LDB2: variants seen among roughly 807,000 people sequenced by gnomAD.
LDB2 encodes the protein LIM domain binding 2, also known as LIM domain-binding protein 2.
In LDB2, 12 loss-of-function variants were observed where a neutral mutation model predicts 44.3. The observed-to-expected ratio is 0.27, with a 90% CI of 0.17 to 0.44. The LOEUF is 0.44. Ranked by LOEUF, LDB2 falls within the 20% of genes least tolerant of loss-of-function variation. The pLI, the probability that LDB2 is intolerant of heterozygous loss-of-function variation, is 1.00. For synonymous variants in LDB2, 164 were observed against 174.8 expected (o/e 0.94, Z 0.49); for missense variants, 344 against 473.5 (o/e 0.73, Z 2.54).
At chr4:16,520,726 G>T (rs1297043878) in intron 5 of LDB2, among the ~76,000 whole-genome samples, 1 of 152,144 alleles carries the variant, frequency 6.6e-6, no homozygotes, top group Non-Finnish European at 1.5e-5. Context: ...CACTTTTGAG[G>T]CTGTTGGGAA....
intron 2 of LDB2, among the ~76,000 whole-genome samples, chr4:16,670,426 C>T (rs943803205): frequency 1.3e-5 from 2 of 152,202 alleles, no homozygotes; most frequent in Admixed American, 1.3e-4. Context: ...GTCCCCACCA[C>T]TGGGGTCATT....
At chr4:16,656,320 G>C (rs1739851772) in intron 2 of LDB2, among the ~76,000 whole-genome samples, 1 of 152,184 alleles carries the variant, frequency 6.6e-6, no homozygotes, top group Admixed American at 6.5e-5. Flanking sequence ...GAGTACCACA[G>C]AGTAGAAAAG....
intron 5 of LDB2, among the ~76,000 whole-genome samples, chr4:16,568,441 G>C (rs1009720483): frequency 4.6e-5 from 7 of 152,192 alleles, no homozygotes; most frequent in Admixed American, 4.6e-4. Context: ...GTTTTTGCAA[G>C]AGAACCTTAT....
rs150918141 is a variant in LDB2 at position 16,672,816 on chromosome 4, C to G, written c.236-76941G>C. Among the ~76,000 whole-genome samples the G allele has an allele frequency of 3.4e-4, 27 of 78,888 alleles. 1 individual carries two copies. The East Asian group carries it at 0.011, about 33-fold the overall frequency. 51.8% of individuals were successfully genotyped at this position (78,888 alleles called of 152,430 possible). On this transcript the variant is annotated intron_variant, in intron 2 of 7. Coordinates refer to ENST00000304523, the MANE Select transcript of LDB2 (RefSeq NM_001290.5). ...GGGAAGAGAAGAACTGCTTGCGTGC[C>G]TGCCTGCCTGCCTTCTTTCCTTCCT...
chr4:16,792,164 T>A (rs1258005299), intron 1 of LDB2, among the ~76,000 whole-genome samples: 1 of 152,196 alleles, frequency 6.6e-6, no homozygotes, highest in Non-Finnish European at 1.5e-5. Flanking sequence ...TTAACCTAAG[T>A]TTTTTATCCA....
intron 5 of LDB2, among the ~76,000 whole-genome samples, chr4:16,574,162 A>G (rs1747553779): frequency 6.6e-6 from 1 of 152,240 alleles, no homozygotes; most frequent in South Asian, 2.1e-4. Flanking sequence ...GAAAATCTTC[A>G]TTCACTTGGG....
chr4:16,883,468 A>G (rs1720771627), intron 1 of LDB2, among the ~76,000 whole-genome samples: 1 of 152,228 alleles, frequency 6.6e-6, no homozygotes, highest in African/African-American at 2.4e-5. Context: ...TGGGCCTGCA[A>G]TGGGGCATGA....
chr4:16,631,362 A>G (rs1219578264), intron 2 of LDB2, among the ~76,000 whole-genome samples: 1 of 152,180 alleles, frequency 6.6e-6, no homozygotes, highest in African/African-American at 2.4e-5. Flanking sequence ...TGAAGGCAGA[A>G]ATAAAGATGT....
At chr4:16,563,243 TA>T (rs1296865654) in intron 5 of LDB2, among the ~76,000 whole-genome samples, 5 of 150,970 alleles carry the variant, frequency 3.3e-5, no homozygotes, top group Admixed American at 6.6e-5. Flanking sequence ...AGACATTATT[TA>T]AAAAAAAGGA....
chr4:16,504,510 C>G (rs767303176), intron 7 of LDB2, among the ~76,000 whole-genome samples: 6 of 152,066 alleles, frequency 3.9e-5, no homozygotes, highest in Non-Finnish European at 1.5e-5. Context: ...ATAAAAATGC[C>G]AGGGGATATT....
At chr4:16,769,604 T>A (rs1048456402) in intron 1 of LDB2, among the ~76,000 whole-genome samples, 11 of 122,144 alleles carry the variant, frequency 9.0e-5, no homozygotes, top group Non-Finnish European at 1.0e-4. Flanking sequence ...CCCTATGGGA[T>A]TTTTTTTTTT....
At chr4:16,844,770 T>C (rs961164743) in intron 1 of LDB2, among the ~76,000 whole-genome samples, 3 of 152,190 alleles carry the variant, frequency 2.0e-5, no homozygotes, top group African/African-American at 7.2e-5. Context: ...CTCACAACAT[T>C]AGCACATTTT....
At chr4:16,734,711 T>C (rs908037944) in intron 2 of LDB2, among the ~76,000 whole-genome samples, 8 of 88,646 alleles carry the variant, frequency 9.0e-5, no homozygotes, top group Admixed American at 2.3e-4. Context: ...TTCTTTTTTT[T>C]TTTTTTTTTT....
Position 16,557,127 on chromosome 4 carries a change from A to G in LDB2, c.615+28795T>C, listed in dbSNP as rs1332702197. ...GGCCGAATAGGAACAGCGCCGGTCT[A>G]TAGCTCCCAGCGTGAGCGACGCAGA... On this transcript the variant is annotated intron_variant, in intron 5 of 7. Transcript: ENST00000304523. Among the ~76,000 whole-genome samples, 4 of 152,344 alleles carry G rather than the reference A, an allele frequency of 2.6e-5. No individual in the cohort carries two copies. The East Asian group carries it at 5.8e-4, about 22-fold the overall frequency.
intron 1 of LDB2, among the ~76,000 whole-genome samples, chr4:16,834,752 C>T (rs771974934): frequency 2.6e-5 from 4 of 151,454 alleles, no homozygotes; most frequent in Non-Finnish European, 4.4e-5. Flanking sequence ...GCTTGAACCC[C>T]GGAGTCGGAG....
Position 16,552,665 on chromosome 4 carries a change from T to C in LDB2, c.615+33257A>G, listed in dbSNP as rs117308195. ...CACAAAGTTCCCGGAAGCTGACTGC[T>C]TTAATATCAAATCCAAGCAATAGCT... On this transcript the variant is annotated intron_variant, in intron 5 of 7. Transcript: ENST00000304523. Among the ~76,000 whole-genome samples the C allele has an allele frequency of 2.2e-4, 34 of 152,362 alleles. No individual in the cohort carries two copies. In the East Asian group the frequency reaches 5.8e-3, roughly 26 times the overall value.
chr4:16,705,083 T>C (rs1754320098), intron 2 of LDB2, among the ~76,000 whole-genome samples: 1 of 152,222 alleles, frequency 6.6e-6, no homozygotes, highest in Non-Finnish European at 1.5e-5. Flanking sequence ...ATTTCTGTTA[T>C]TAATTATGAA....
intron 2 of LDB2, among the ~76,000 whole-genome samples, chr4:16,666,277 G>T (rs1003394698): frequency 6.6e-6 from 1 of 152,116 alleles, no homozygotes; most frequent in Non-Finnish European, 1.5e-5. Flanking sequence ...TGGCTCACAC[G>T]GGAGCAATAA....
chr4:16,855,754 GA>G (rs1204879807), intron 1 of LDB2, among the ~76,000 whole-genome samples: 2 of 151,944 alleles, frequency 1.3e-5, no homozygotes, highest in Admixed American at 1.3e-4. Context: ...TAATGAGTGT[GA>G]TTTTTTTATT....
Sources: allele counts gnomAD v4.1 joint callset (sites outside exome capture counted in the v4.1 genomes callset), GRCh38; gene constraint gnomAD v4.1.1; transcripts MANE v1.5; gene names NCBI Gene and HGNC (gene_info 2026-07-23, HGNC 2026-07-21).